The following EPHA4 variants were observed in gnomAD, a reference collection of about 807,000 sequenced individuals.
EPHA4 encodes ephrin type-A receptor 4.
A neutral mutation model predicts 108.3 loss-of-function variants in EPHA4; 19 were observed. The ratio of observed to expected loss-of-function variants is 0.18; its 90% CI spans 0.12 to 0.26. EPHA4 has a LOEUF of 0.26. Ranked by LOEUF, EPHA4 falls within the 10% of genes least tolerant of loss-of-function variation. The probability of loss-of-function intolerance (pLI) is 1.00; values close to 1 mark genes in which losing one functional copy is unlikely to be tolerated. For synonymous variants in EPHA4, 449 were observed against 455.5 expected (o/e 0.99, Z 0.18); for missense variants, 917 against 1,254.0 (o/e 0.73, Z 4.06).
chr2:221,561,693 C>T (rs2106207400), intron 3 of EPHA4, among the ~76,000 whole-genome samples: 1 of 152,302 alleles, frequency 6.6e-6, no homozygotes, highest in African/African-American at 2.4e-5. Flanking sequence ...ATTCACTTTG[C>T]CCACCATCTT....
chr2:221,515,553 G>T (rs1197665145), intron 3 of EPHA4, among the ~76,000 whole-genome samples: 2 of 152,198 alleles, frequency 1.3e-5, no homozygotes, highest in Non-Finnish European at 2.9e-5. Context: ...GGCTTACCAT[G>T]CCTGTAATCC....
At chr2:221,443,242 A>T (rs557810695) in intron 10 of EPHA4, among the ~76,000 whole-genome samples, 2 of 150,636 alleles carry the variant, frequency 1.3e-5, no homozygotes, top group Admixed American at 1.3e-4. Flanking sequence ...AATCTTAGTT[A>T]GTAAGAAACA....
At chr2:221,438,564 G>T (rs1374918259) in intron 11 of EPHA4, among the ~76,000 whole-genome samples, 1 of 152,078 alleles carries the variant, frequency 6.6e-6, no homozygotes, top group Non-Finnish European at 1.5e-5. Context: ...GAGGCAGGTG[G>T]GTCACTTGAG....
At chr2:221,512,796 TA>T (rs1322477782) in intron 3 of EPHA4, among the ~76,000 whole-genome samples, 1 of 152,348 alleles carries the variant, frequency 6.6e-6, no homozygotes, top group East Asian at 1.9e-4. Flanking sequence ...CTTTACATAA[TA>T]ACAGTAATGG....
chr2:221,426,021 T>C lies in EPHA4; in HGVS notation c.*7A>G, dbSNP rs1268434127. 6.2e-7 allele frequency: 1 copy of C among 1,612,842 alleles called. No individual in the cohort carries two copies. Among genetic ancestry groups the C allele is most frequent in the Non-Finnish European group, 8.5e-7 (1 of 1,178,906 alleles). ...TTTCAAGAGTTTTGAGTTTATTCAG[T>C]ACTGGCTCAGACGGGAACCATTCTG... On this transcript the variant is annotated 3_prime_UTR_variant, in exon 17 of 18. Transcript: ENST00000281821.
chr2:221,465,499 C>G (rs2106125070), intron 5 of EPHA4, among the ~76,000 whole-genome samples: 1 of 152,296 alleles, frequency 6.6e-6, no homozygotes, highest in African/African-American at 2.4e-5. Context: ...GGGTTGGCCT[C>G]TTTGGCTAAG....
intron 3 of EPHA4, among the ~76,000 whole-genome samples, chr2:221,511,559 C>T (rs1692831392): frequency 1.6e-5 from 2 of 128,872 alleles, no homozygotes; most frequent in African/African-American, 5.0e-5. Flanking sequence ...AATCTTCTTC[C>T]ACCACATGTC....
intron 5 of EPHA4, among the ~76,000 whole-genome samples, chr2:221,470,601 T>C (rs1691451868): frequency 2.1e-5 from 1 of 48,184 alleles, no homozygotes; most frequent in Non-Finnish European, 4.6e-5. Flanking sequence ...AAAGTATCAC[T>C]TTAGGGAACC....
intron 3 of EPHA4, among the ~76,000 whole-genome samples, chr2:221,516,463 T>C (rs957760698): frequency 1.3e-5 from 2 of 151,656 alleles, no homozygotes; most frequent in Admixed American, 6.6e-5. Context: ...CAAGTGATTC[T>C]CTTGCCTCTG....
At chr2:221,485,880 G>A (rs13012331) in intron 4 of EPHA4, among the ~76,000 whole-genome samples, 64,009 of 151,850 alleles carry the variant, frequency 0.42, 13,564 homozygotes, top group East Asian at 0.53. Context: ...GCAGCATCTT[G>A]GTAAACAATT....
intron 5 of EPHA4, among the ~76,000 whole-genome samples, chr2:221,468,233 GAA>G (rs66530072): frequency 7.2e-6 from 1 of 139,676 alleles, no homozygotes; most frequent in African/African-American, 2.6e-5. Flanking sequence ...AAGATCAGAG[GAA>G]AAAAAAAAGG....
chr2:221,482,210 C>A (rs1211412731), intron 5 of EPHA4, 142 bp downstream of exon 5: 6 of 886,096 alleles, frequency 6.8e-6, no homozygotes, highest in Non-Finnish European at 8.2e-6. Context: ...CGTGCCCAGC[C>A]CCTAAGTATC....
chr2:221,517,123 G>A lies in EPHA4; in HGVS notation c.824-15951C>T, dbSNP rs143277448. Among the ~76,000 whole-genome samples, 844 of 152,268 alleles carry A rather than the reference G, an allele frequency of 5.5e-3. 9 individuals are homozygous for A. Among genetic ancestry groups the A allele is most frequent in the African/African-American group, 0.019 (807 of 41,548 alleles). ...ATATTCTACTGGCAGGGATAGAACT[G>A]TACAGGAGAATAAACCTGGTAATAT... On this transcript the variant is annotated intron_variant, in intron 3 of 17. Transcript: ENST00000281821.
At chr2:221,508,348 G>A (rs878963225) in intron 3 of EPHA4, among the ~76,000 whole-genome samples, 1 of 152,144 alleles carries the variant, frequency 6.6e-6, no homozygotes, top group Non-Finnish European at 1.5e-5. Context: ...GGAGGTCAAG[G>A]CAGACTGATC....
chr2:221,512,535 A>C (rs867553807), intron 3 of EPHA4, among the ~76,000 whole-genome samples: 61 of 152,104 alleles, frequency 4.0e-4, no homozygotes, highest in African/African-American at 1.3e-3. Flanking sequence ...TGTTTTCTTC[A>C]CCCTTTGATA....
intron 4 of EPHA4, among the ~76,000 whole-genome samples, chr2:221,486,142 C>A (rs1184356977): frequency 2.0e-5 from 3 of 152,132 alleles, no homozygotes; most frequent in African/African-American, 7.2e-5. Flanking sequence ...CAAAAAAGGG[C>A]TAACTGTTGT....
chr2:221,455,791 G>A, intron 7 of EPHA4, 133 bp from the exon 8 acceptor site: 1 of 675,870 alleles, frequency 1.5e-6, no homozygotes, highest in East Asian at 2.7e-5. Context: ...AGAAAGGGCA[G>A]CAGTTTTGAA....
chr2:221,500,924 A>G (rs1490892673), intron 4 of EPHA4, 93 bp downstream of exon 4: 13 of 1,324,850 alleles, frequency 9.8e-6, no homozygotes, highest in Non-Finnish European at 1.3e-5. Flanking sequence ...TGCCCCCTGA[A>G]TGATTATCCC....
At chr2:221,505,601 G>A (rs1289233254) in intron 3 of EPHA4, among the ~76,000 whole-genome samples, 2 of 152,180 alleles carry the variant, frequency 1.3e-5, no homozygotes, top group Non-Finnish European at 2.9e-5. Context: ...CAGGATTACA[G>A]GAATGAGCCA....
Sources: gnomAD v4.1 joint callset for allele counts (sites outside exome capture counted in the v4.1 genomes callset) on GRCh38, gnomAD v4.1.1 for gene constraint, MANE v1.5 for transcripts, NCBI Gene and HGNC (gene_info 2026-07-23, HGNC 2026-07-21) for gene names.